The following IL1RAPL1 variants were observed in gnomAD, a reference collection of about 807,000 sequenced individuals.
IL1RAPL1 encodes the protein interleukin 1 receptor accessory protein like 1, also known as interleukin-1 receptor accessory protein-like 1.
Under a neutral mutation model 48.4 loss-of-function variants are expected in IL1RAPL1, and 3 were observed. The observed-to-expected ratio is 0.06, with a 90% confidence interval of 0.03 to 0.16. The LOEUF is 0.16. IL1RAPL1 is among the 10% of genes least tolerant of loss of function. IL1RAPL1 has a pLI of 1.00. For missense variants in IL1RAPL1, 349 were observed against 530.6 expected, an observed-to-expected ratio of 0.66 and a Z score of 3.36; for synonymous variants, 185 against 187.7, an observed-to-expected ratio of 0.99 and a Z score of 0.12.
At chrX:29,104,426 AT>A (rs1259360181) in intron 2 of IL1RAPL1, among the ~76,000 whole-genome samples, 1 of 111,458 alleles carries the variant, frequency 9.0e-6, no homozygotes, top group African/African-American at 3.3e-5. Context: ...AATTAAAACA[AT>A]TGAACTCAGG....
chrX:29,271,453 G>A (rs749391131), intron 2 of IL1RAPL1, among the ~76,000 whole-genome samples: 2 of 112,404 alleles, frequency 1.8e-5, no homozygotes, highest in South Asian at 7.3e-4. Context: ...GCTTTCCACA[G>A]TAGCTGAACT....
intron 2 of IL1RAPL1, among the ~76,000 whole-genome samples, chrX:28,827,758 T>C (rs1369827710): frequency 8.9e-6 from 1 of 112,032 alleles, no homozygotes. Flanking sequence ...TTGAATGTCA[T>C]TGACATTTTT....
intron 5 of IL1RAPL1, among the ~76,000 whole-genome samples, chrX:29,552,948 T>C (rs1157307345): frequency 9.2e-6 from 1 of 109,164 alleles, no homozygotes; most frequent in East Asian, 2.9e-4. Context: ...ATTTGATCTC[T>C]AGCATTTCCT....
chrX:29,562,128 ATCTATCT>A (rs1922251540), intron 5 of IL1RAPL1, among the ~76,000 whole-genome samples: 1 of 76,685 alleles, frequency 1.3e-5, no homozygotes, highest in African/African-American at 5.6e-5. Flanking sequence ...CTATCTATCT[ATCTATCT>A]ATCTATCTAT....
At chrX:29,623,534 G>T (rs759840718) in intron 5 of IL1RAPL1, among the ~76,000 whole-genome samples, 33 of 111,988 alleles carry the variant, frequency 2.9e-4, no homozygotes, top group African/African-American at 9.4e-4. Flanking sequence ...GGTGAAAACA[G>T]TCTCGCCATG....
intron 2 of IL1RAPL1, among the ~76,000 whole-genome samples, chrX:29,172,260 T>C (rs1046146300): frequency 8.9e-6 from 1 of 112,000 alleles, no homozygotes; most frequent in African/African-American, 3.2e-5. Flanking sequence ...AGAATACATA[T>C]GTGGTTTTCA....
rs1159198583 is a variant in IL1RAPL1 at position 29,089,749 on chromosome X, A to AATATATATATATATATATAT, written c.83-193170_83-193151dup. On this transcript the variant is annotated intron_variant, in intron 2 of 10. Transcript: ENST00000378993. The stretch of plus-strand genomic sequence containing the variant: ...TTCTACATGAAAGCAGAGAAATATG[A>AATATATATATATATATATAT]ATATATATATATATATATATATATA... 2.7e-3 allele frequency among the ~76,000 whole-genome samples: 46 copies of AATATATATATATATATATAT among 16,954 alleles called. 4 individuals are homozygous for AATATATATATATATATATAT. Among genetic ancestry groups the AATATATATATATATATATAT allele is most frequent in the East Asian group, 3.7e-3 (1 of 270 alleles). The allele number at this position is 16,954 out of a possible 115,157, so 14.7% of individuals were successfully genotyped here. A position where few individuals can be genotyped will look rare whatever the true frequency, so the allele number is the denominator to read the frequency against.
chrX:29,496,545 A>T (rs1418704726), intron 5 of IL1RAPL1, among the ~76,000 whole-genome samples: 1 of 104,332 alleles, frequency 9.6e-6, no homozygotes, highest in East Asian at 3.0e-4. Flanking sequence ...AAACTTCCAG[A>T]AGCCTCCCCA....
At chrX:28,600,484 A>C (rs1601829885) in intron 1 of IL1RAPL1, among the ~76,000 whole-genome samples, 2 of 88,374 alleles carry the variant, frequency 2.3e-5, no homozygotes, top group Non-Finnish European at 2.2e-5. Flanking sequence ...CCTGATTTTG[A>C]GTTTAAGGAG....
intron 2 of IL1RAPL1, among the ~76,000 whole-genome samples, chrX:29,080,619 T>C (rs1001290608): frequency 3.7e-5 from 4 of 109,011 alleles, no homozygotes; most frequent in Non-Finnish European, 1.9e-5. Context: ...CTTAACCATA[T>C]TTTTCACTTA....
chrX:29,567,693 C>T (rs1922455599), intron 5 of IL1RAPL1, among the ~76,000 whole-genome samples: 1 of 111,652 alleles, frequency 9.0e-6, no homozygotes, highest in African/African-American at 3.2e-5. Context: ...CCTTGGAACC[C>T]TATGTAGGCT....
chrX:29,291,542 C>T (rs75692548), intron 3 of IL1RAPL1, among the ~76,000 whole-genome samples: 1 of 110,771 alleles, frequency 9.0e-6, no homozygotes, highest in Non-Finnish European at 1.9e-5. Context: ...TCTCCTAATG[C>T]TATCACTCCC....
chrX:29,864,969 T>C (rs1243355491), intron 6 of IL1RAPL1, among the ~76,000 whole-genome samples: 2 of 112,194 alleles, frequency 1.8e-5, no homozygotes, highest in Non-Finnish European at 3.8e-5. Context: ...TAATAAGTTG[T>C]GCAAGATGAG....
chrX:28,847,154 T>C (rs1383714822), intron 2 of IL1RAPL1, among the ~76,000 whole-genome samples: 1 of 111,414 alleles, frequency 9.0e-6, no homozygotes, highest in African/African-American at 3.3e-5. Flanking sequence ...CAGATGATCA[T>C]GCCATAACCT....
At chrX:29,291,160 C>G (rs766705086) in intron 3 of IL1RAPL1, among the ~76,000 whole-genome samples, 3 of 111,476 alleles carry the variant, frequency 2.7e-5, no homozygotes, top group Non-Finnish European at 5.6e-5. Flanking sequence ...AATACAACTG[C>G]TCAGGAGTGG....
intron 3 of IL1RAPL1, among the ~76,000 whole-genome samples, chrX:29,317,201 G>A (rs1390826838): frequency 3.6e-5 from 4 of 111,817 alleles, no homozygotes; most frequent in Non-Finnish European, 7.5e-5. Flanking sequence ...CTCCAAATTT[G>A]GGAGGATAAC....
chrX:28,958,017 A>G (rs1601977655), intron 2 of IL1RAPL1, among the ~76,000 whole-genome samples: 1 of 111,482 alleles, frequency 9.0e-6, no homozygotes. Context: ...AATATTGTAT[A>G]TATTTATTGT....
At chrX:29,906,498 T>TATATATTTC (rs1932631350) in intron 6 of IL1RAPL1, among the ~76,000 whole-genome samples, 11 of 50,797 alleles carry the variant, frequency 2.2e-4, no homozygotes, top group Admixed American at 4.4e-4. Flanking sequence ...TATATATATA[T>TATATATTTC]ATATATATAT....
intron 6 of IL1RAPL1, among the ~76,000 whole-genome samples, chrX:29,829,071 A>G (rs1930807499): frequency 9.2e-6 from 1 of 109,128 alleles, no homozygotes; most frequent in Non-Finnish European, 1.9e-5. Context: ...CAAATGGCCA[A>G]ATATTTTAAC....
Sources: gnomAD v4.1 joint callset for allele counts (sites outside exome capture counted in the v4.1 genomes callset) on GRCh38, gnomAD v4.1.1 for gene constraint, MANE v1.5 for transcripts, NCBI Gene and HGNC (gene_info 2026-07-23, HGNC 2026-07-21) for gene names.